Variants in ANK1 observed in about 807,000 individuals in gnomAD.
ANK1 encodes the protein ankyrin-1.
A neutral mutation model predicts 210.4 loss-of-function variants in ANK1; 51 were observed. The ratio of observed to expected loss-of-function variants is 0.24; its 90% confidence interval spans 0.19 to 0.31. The LOEUF (loss-of-function observed/expected upper bound fraction) is 0.31. Ranked by LOEUF, ANK1 falls within the 10% of genes least tolerant of loss-of-function variation. The pLI, the probability that ANK1 is intolerant of heterozygous loss-of-function variation, is 1.00. For synonymous variants in ANK1, 967 were observed against 1,025.9 expected (o/e 0.94, Z 1.10); for missense variants, 2,051 against 2,504.4 (o/e 0.82, Z 3.86).
Position 41,893,915 on chromosome 8 carries a change from T to C in ANK1, c.126+2440A>G, listed in dbSNP as rs1819939016. Among the ~76,000 whole-genome samples the C allele has an allele frequency of 2.6e-5, 4 of 152,168 alleles. No individual in the cohort carries two copies. In the South Asian group the frequency reaches 8.3e-4, roughly 32 times the overall value. On this transcript the variant is annotated intron_variant, in intron 1 of 42. Coordinates refer to the ANK1 transcript ENST00000265709. ...GTTAGACTTCACCTTATATGAACCT[T>C]TGAGTTAGCCCTAGGCCCTCTGCCT...
At chr8:41,808,671 A>G (rs1203791678) in intron 1 of ANK1, among the ~76,000 whole-genome samples, 1 of 151,790 alleles carries the variant, frequency 6.6e-6, no homozygotes, top group Non-Finnish European at 1.5e-5. Context: ...GTCTAAAAAA[A>G]TAATAATAAT....
At chr8:41,799,036 G>C (rs920763882), upstream of ANK1, among the ~76,000 whole-genome samples, 4 of 152,124 alleles carry the variant, frequency 2.6e-5, no homozygotes, top group East Asian at 7.8e-4. Flanking sequence ...TCTCCCCGGG[G>C]ACTAGTGCCT....
At chr8:41,666,233 G>A (rs1000332244) in intron 39 of ANK1, among the ~76,000 whole-genome samples, 3 of 143,228 alleles carry the variant, frequency 2.1e-5, no homozygotes, top group African/African-American at 7.6e-5. Flanking sequence ...GAATGATAAT[G>A]GCAAACGCTT....
At position 41,655,377 on chromosome 8, in the gene ANK1, A is replaced by G. The variant is rs1312082669; in HGVS notation, c.*413T>C. The G allele has an allele frequency of 4.8e-5, 11 of 227,938 alleles. No homozygotes were observed. The highest frequency in any genetic ancestry group is 8.5e-5 in the Non-Finnish European group (10 of 118,124). 14.1% of individuals were successfully genotyped at this position (227,938 alleles called of 1,614,324 possible). A position where few individuals can be genotyped will look rare whatever the true frequency, so the allele number is the denominator to read the frequency against. On this transcript the variant is annotated 3_prime_UTR_variant, in exon 43 of 43. Transcript: ENST00000289734. ...ATGAGGTTGGGAAAAAGTACCCTGT[A>G]CGAAGTCAAAACAATTTAAAAAAAA...
intron 2 of ANK1, among the ~76,000 whole-genome samples, chr8:41,751,874 T>A (rs1180358622): frequency 6.6e-6 from 1 of 152,022 alleles, no homozygotes; most frequent in Non-Finnish European, 1.5e-5. Context: ...TATGGCAAAA[T>A]CTAAGCCCTC....
chr8:41,791,915 C>T (rs1847815388), intron 1 of ANK1, among the ~76,000 whole-genome samples: 1 of 52,836 alleles, frequency 1.9e-5, no homozygotes, highest in Non-Finnish European at 3.9e-5. Context: ...GAGAGAAGGG[C>T]TGGGGTCAGA....
At chr8:41,661,335 A>G (rs1808055564) in intron 42 of ANK1, 95 bp downstream of exon 42, 10 of 1,533,050 alleles carry the variant, frequency 6.5e-6, no homozygotes, top group Non-Finnish European at 8.8e-6. Context: ...GTCCCACATC[A>G]TGCTGGGGTG....
In ANK1 at chr8:41,661,577, G is replaced by A; in HGVS notation, c.5545-13C>T. 6.2e-7 allele frequency: 1 copy of A among 1,613,682 alleles called. No homozygotes were observed. Among genetic ancestry groups the A allele is most frequent in the Non-Finnish European group, 8.5e-7 (1 of 1,180,032 alleles). ...CTCTCAGCTCCACCTGCAGACAGCAGCAGAGACAGAAAGCAGGACAGATCG... is the reference window on the plus strand; with the variant it reads ...CTCTCAGCTCCACCTGCAGACAGCAACAGAGACAGAAAGCAGGACAGATCG... On this transcript the variant is annotated splice_polypyrimidine_tract_variant and intron_variant, in intron 41 of 42. Transcript: ENST00000289734.
At chr8:41,806,979 G>A (rs1360965523) in intron 1 of ANK1, among the ~76,000 whole-genome samples, 1 of 152,180 alleles carries the variant, frequency 6.6e-6, no homozygotes, top group Non-Finnish European at 1.5e-5. Context: ...AGGAGGGATG[G>A]AAGAATTAGA....
At chr8:41,723,481 T>A (rs1218935932) in intron 8 of ANK1, 54 bp downstream of exon 8, 70 of 1,591,394 alleles carry the variant, frequency 4.4e-5, no homozygotes, top group Non-Finnish European at 5.3e-5. Context: ...GGGTGAGGCT[T>A]GTGAGGGGGG....
intron 1 of ANK1, among the ~76,000 whole-genome samples, chr8:41,821,592 C>T (rs959493445): frequency 2.6e-5 from 4 of 152,160 alleles, no homozygotes; most frequent in Admixed American, 1.3e-4. Flanking sequence ...TGTTGAGTAT[C>T]GTAAAGGAAA....
chr8:41,778,444 G>T (rs1844576560), intron 1 of ANK1, among the ~76,000 whole-genome samples: 1 of 152,202 alleles, frequency 6.6e-6, no homozygotes, highest in Non-Finnish European at 1.5e-5. Context: ...AAGACTGCCA[G>T]GTTTTAGGAA....
At chr8:41,692,476 T>C (rs1011999314) in intron 31 of ANK1, among the ~76,000 whole-genome samples, 172 bp downstream of exon 31, 1 of 152,232 alleles carries the variant, frequency 6.6e-6, no homozygotes, top group African/African-American at 2.4e-5. Context: ...GGCATCTCTC[T>C]CCTTTCCTGA....
Position 41,702,163 on chromosome 8 carries a change from G to C in ANK1, c.2296-19C>G. 2 of 1,606,248 alleles carry C rather than the reference G, an allele frequency of 1.2e-6. No homozygotes were observed. Among genetic ancestry groups the C allele is most frequent in the East Asian group, 2.2e-5 (1 of 44,826 alleles). The stretch of plus-strand genomic sequence containing the variant: ...TTCCATCCTGGGGAAAGAGCAGCCC[G>C]GGTGCAGTCAGACAGGGGATGGAGT... On this transcript the variant is annotated intron_variant, in intron 20 of 42. Transcript: ENST00000289734.
Position 41,694,737 on chromosome 8 carries a change from A to G in ANK1, c.3182T>C (p.Leu1061Pro). Residue 1061 changes from leucine to proline, a missense_variant, in exon 28 of 43, where the codon CTG becomes CCG. Leu to Pro is a moderately conservative substitution (Grantham distance 98). Around this residue, in one of 6 missense-constraint regions of ANK1, gnomAD observed 1,413 missense variants for 1,707.4 expected, o/e 0.83. Transcript: ENST00000289734. The surrounding 1 kb of genome is among the most constrained non-coding windows in gnomAD (Gnocchi z 5.7). The part of the protein sequence containing the change: ...VCRIITTDFP[L>P]YFVIMSRLCQ... ...GAGCCGTGACATGATCACGAAGTAC[A>G]GCGGGAAGTCGGTGGTGATGATTCG... The G allele has an allele frequency of 6.2e-7, 1 of 1,614,132 alleles. No individual in the cohort carries two copies. The highest frequency in any genetic ancestry group is 8.5e-7 in the Non-Finnish European group (1 of 1,180,028).
At chr8:41,698,219 TC>T in intron 23 of ANK1, 98 bp from the exon 24 acceptor site, 2 of 1,300,636 alleles carry the variant, frequency 1.5e-6, no homozygotes, top group Non-Finnish European at 2.2e-6. Context: ...GGCTTTCCAC[TC>T]CAGAGCCTGA....
intron 2 of ANK1, among the ~76,000 whole-genome samples, chr8:41,737,454 T>A (rs1163016185): frequency 6.6e-6 from 1 of 152,180 alleles, no homozygotes. Flanking sequence ...TATTCATCAC[T>A]CTGATCTGCA....
chr8:41,734,897 A>G (rs542580324), intron 2 of ANK1, among the ~76,000 whole-genome samples: 1 of 152,156 alleles, frequency 6.6e-6, no homozygotes, highest in East Asian at 1.9e-4. Flanking sequence ...TCTCAAAAAT[A>G]AAAATAAAAT....
At chr8:41,793,721 A>G (rs748764779) in intron 1 of ANK1, among the ~76,000 whole-genome samples, 21 of 152,208 alleles carry the variant, frequency 1.4e-4, no homozygotes, top group Non-Finnish European at 2.8e-4. Context: ...ATCCATGCCA[A>G]GGTCCCAAGA....
Sources: allele counts gnomAD v4.1 joint callset (sites outside exome capture counted in the v4.1 genomes callset), GRCh38; gene constraint gnomAD v4.1.1; regional missense constraint gnomAD v4.1.1; non-coding constraint Gnocchi (gnomAD v3.1); transcripts MANE v1.5; gene names NCBI Gene and HGNC (gene_info 2026-07-23, HGNC 2026-07-21).